TTLL5: variants seen among roughly 807,000 people sequenced by gnomAD.
TTLL5 encodes the protein tubulin tyrosine ligase like 5.
A neutral mutation model predicts 168.4 loss-of-function variants in TTLL5; 132 were observed. That is an observed-to-expected ratio of 0.78 (90% CI 0.68 to 0.91). TTLL5 has a LOEUF of 0.91. Among genes scored for constraint, TTLL5 ranks in the 40% least tolerant of loss-of-function variants. The probability of loss-of-function intolerance (pLI) is 0.00; values close to 1 mark genes in which losing one functional copy is unlikely to be tolerated. For missense variants in TTLL5, 1,545 were observed against 1,581.5 expected, an observed-to-expected ratio of 0.98 and a Z score of 0.39; for synonymous variants, 546 against 558.6, an observed-to-expected ratio of 0.98 and a Z score of 0.32.
intron 21 of TTLL5, among the ~76,000 whole-genome samples, chr14:75,773,065 T>G (rs1049978289): frequency 6.6e-6 from 1 of 152,190 alleles, no homozygotes; most frequent in Non-Finnish European, 1.5e-5. Flanking sequence ...GTGACCTTAT[T>G]GTAATTTTTA....
intron 21 of TTLL5, among the ~76,000 whole-genome samples, chr14:75,772,669 CT>C (rs904209991): frequency 0.022 from 3,028 of 136,752 alleles, 89 homozygotes; most frequent in African/African-American, 0.069. Context: ...CTTCCATATT[CT>C]TTTTTTTTTT....
chr14:75,702,644 G>A (rs1034096499), intron 7 of TTLL5, among the ~76,000 whole-genome samples: 4 of 135,236 alleles, frequency 3.0e-5, no homozygotes, highest in South Asian at 4.9e-4. Flanking sequence ...CCTGGATGCC[G>A]AATCTCAGTG....
chr14:75,948,011 C>T (rs769623481), intron 31 of TTLL5, among the ~76,000 whole-genome samples: 1 of 151,772 alleles, frequency 6.6e-6, no homozygotes, highest in Non-Finnish European at 1.5e-5. Flanking sequence ...TATACAACAT[C>T]ACACTAAATA....
At chr14:75,889,788 C>T (rs527915820) in intron 30 of TTLL5, among the ~76,000 whole-genome samples, 12 of 146,868 alleles carry the variant, frequency 8.2e-5, no homozygotes, top group African/African-American at 3.0e-4. Flanking sequence ...CAAGATTGCG[C>T]CACTGCACTC....
chr14:75,707,234 CTATCTCACGGGATT>C, intron 8 of TTLL5, 147 bp downstream of exon 8: 1 of 651,978 alleles, frequency 1.5e-6, no homozygotes. Flanking sequence ...GGTTCCTTAC[CTATCTCACGGGATT>C]TATCTGAAGG....
At chr14:75,812,207 T>C (rs947500019) in intron 27 of TTLL5, among the ~76,000 whole-genome samples, 1 of 150,684 alleles carries the variant, frequency 6.6e-6, no homozygotes, top group African/African-American at 2.4e-5. Context: ...TCCAGGAGAG[T>C]GGGAGCAGAG....
chr14:75,686,990 C>T (rs147533587), intron 5 of TTLL5, among the ~76,000 whole-genome samples: 10 of 152,174 alleles, frequency 6.6e-5, no homozygotes, highest in South Asian at 2.1e-4. Context: ...TTCACAGGTT[C>T]GGTTTTTATA....
At chr14:75,674,199 G>A (rs1883969229) in intron 3 of TTLL5, among the ~76,000 whole-genome samples, 1 of 152,130 alleles carries the variant, frequency 6.6e-6, no homozygotes, top group Non-Finnish European at 1.5e-5. Flanking sequence ...CAAATTCTGT[G>A]TTTTTGAGTT....
At chr14:75,763,559 C>T (rs115498925) in intron 18 of TTLL5, among the ~76,000 whole-genome samples, 2,975 of 152,270 alleles carry the variant, frequency 0.02, 119 homozygotes, top group African/African-American at 0.068. Context: ...TCAAAGGGAA[C>T]ACACTTTGAG....
At chr14:75,902,252 T>C in intron 31 of TTLL5, 28 bp downstream of exon 31, 1 of 1,610,098 alleles carries the variant, frequency 6.2e-7, no homozygotes, top group Non-Finnish European at 8.5e-7. Flanking sequence ...CTTCTGCAAC[T>C]GGATAGATGA....
intron 28 of TTLL5, among the ~76,000 whole-genome samples, chr14:75,827,316 C>T (rs1030945586): frequency 6.6e-6 from 1 of 152,162 alleles, no homozygotes; most frequent in Non-Finnish European, 1.5e-5. Flanking sequence ...TATGTAATCA[C>T]AATACTAAGG....
intron 28 of TTLL5, among the ~76,000 whole-genome samples, chr14:75,825,827 A>G (rs190980234): frequency 9.2e-5 from 14 of 152,174 alleles, no homozygotes; most frequent in Non-Finnish European, 1.8e-4. Flanking sequence ...TCTCCAGTAC[A>G]TGTATGATAA....
chr14:75,887,319 CAT>C (rs1246615394), intron 30 of TTLL5: 25 of 984,882 alleles, frequency 2.5e-5, no homozygotes, highest in African/African-American at 1.4e-4. Context: ...ATCTTTTTAA[CAT>C]ATGAGTCATT....
intron 31 of TTLL5, among the ~76,000 whole-genome samples, chr14:75,913,900 G>C (rs2033487637): frequency 6.6e-6 from 1 of 151,190 alleles, no homozygotes; most frequent in Non-Finnish European, 1.5e-5. Flanking sequence ...TTTAGCACCA[G>C]CTACTCGGGT....
At chr14:75,908,388 C>CA (rs11375115) in intron 31 of TTLL5, among the ~76,000 whole-genome samples, 129,890 of 152,258 alleles carry the variant, frequency 0.85, 55,537 homozygotes, top group African/African-American at 0.9. Context: ...GGCCTCAGCC[C>CA]TCACCTGAAG....
intron 31 of TTLL5, among the ~76,000 whole-genome samples, chr14:75,925,496 G>A (rs1475721030): frequency 6.6e-6 from 1 of 150,804 alleles, no homozygotes; most frequent in South Asian, 2.1e-4. Flanking sequence ...GGCGATGGGC[G>A]GCCGGGCAGA....
intron 31 of TTLL5, among the ~76,000 whole-genome samples, chr14:75,914,926 C>A (rs530384234): frequency 1.3e-4 from 20 of 152,154 alleles, no homozygotes; most frequent in African/African-American, 4.8e-4. Context: ...CCCGGCCGAT[C>A]GCTACTCTTT....
intron 12 of TTLL5, among the ~76,000 whole-genome samples, chr14:75,724,412 A>G (rs1349042097): frequency 6.6e-6 from 1 of 152,136 alleles, no homozygotes; most frequent in African/African-American, 2.4e-5. Flanking sequence ...GTAGGATGAG[A>G]TACAGATATA....
intron 17 of TTLL5, among the ~76,000 whole-genome samples, chr14:75,747,198 G>A (rs912666758): frequency 2.6e-5 from 4 of 151,746 alleles, no homozygotes; most frequent in Non-Finnish European, 5.9e-5. Context: ...TTTGTCTGCA[G>A]TGCCTAGTCC....
Sources: gnomAD v4.1 joint callset for allele counts (sites outside exome capture counted in the v4.1 genomes callset) on GRCh38, gnomAD v4.1.1 for gene constraint, MANE v1.5 for transcripts, NCBI Gene and HGNC (gene_info 2026-07-23, HGNC 2026-07-21) for gene names.